Variants in MBNL2 observed in about 807,000 individuals in gnomAD.
MBNL2 encodes muscleblind like splicing regulator 2.
A neutral mutation model predicts 41.9 loss-of-function variants in MBNL2; 17 were observed. That is an observed-to-expected ratio of 0.41 (90% CI 0.28 to 0.61). The LOEUF is 0.61. Ranked by LOEUF, MBNL2 falls within the 20% of genes least tolerant of loss-of-function variation. The pLI, the probability that MBNL2 is intolerant of heterozygous loss-of-function variation, is 0.35. For synonymous variants in MBNL2, 195 were observed against 182.9 expected (o/e 1.07, Z -0.53); for missense variants, 336 against 505.6 (o/e 0.66, Z 3.22).
the MBNL2 span, among the ~76,000 whole-genome samples, chr13:97,185,247 G>A: frequency 6.6e-6 from 1 of 152,160 alleles, no homozygotes; most frequent in Admixed American, 6.5e-5. Context: ...AAGTTGACCT[G>A]CAGTAAATAA....
chr13:97,201,720 T>C, the MBNL2 span, among the ~76,000 whole-genome samples: 1 of 152,208 alleles, frequency 6.6e-6, no homozygotes, highest in Non-Finnish European at 1.5e-5. Flanking sequence ...TTCAAACCCC[T>C]TTCTATATAT....
Position 97,278,251 on chromosome 13 carries a change from C to CAAAAAAAAA in MBNL2, c.174+1860_174+1868dup, listed in dbSNP as rs10606011. Among the ~76,000 whole-genome samples the CAAAAAAAAA allele has an allele frequency of 7.9e-4, 32 of 40,530 alleles. 2 individuals carry two copies. Among genetic ancestry groups the CAAAAAAAAA allele is most frequent in the African/African-American group, 3.6e-3 (32 of 8,834 alleles). 26.6% of individuals were successfully genotyped at this position (40,530 alleles called of 152,430 possible). On this transcript the variant is annotated intron_variant, in intron 2 of 8. Transcript: ENST00000679496. Reference sequence around the variant, plus strand: ...CCTGGGTGATAGAGTGAGACTGTCTCAAAAAAAAAAAAAAAAAAAAAAAAA... The same window carrying CAAAAAAAAA: ...CCTGGGTGATAGAGTGAGACTGTCTCAAAAAAAAAAAAAAAAAAAAAAAAAAAAAAAAAA...
At chr13:97,150,986 G>A in the MBNL2 span, among the ~76,000 whole-genome samples, 4 of 152,122 alleles carry the variant, frequency 2.6e-5, no homozygotes, top group Non-Finnish European at 4.4e-5. Flanking sequence ...CATTTTCAAG[G>A]TCAATCTTGA....
the MBNL2 span, among the ~76,000 whole-genome samples, chr13:97,184,066 A>C: frequency 6.6e-6 from 1 of 152,214 alleles, no homozygotes. Context: ...AAACTATCTG[A>C]TCCAAACCAT....
intron 2 of MBNL2, among the ~76,000 whole-genome samples, chr13:97,311,620 C>T (rs1008932322): frequency 6.0e-5 from 9 of 151,220 alleles, no homozygotes; most frequent in African/African-American, 2.2e-4. Flanking sequence ...AAATCAATTT[C>T]TTGAGATAGC....
intron 2 of MBNL2, among the ~76,000 whole-genome samples, chr13:97,320,117 T>A (rs1388190937): frequency 6.6e-6 from 1 of 152,196 alleles, no homozygotes; most frequent in Non-Finnish European, 1.5e-5. Context: ...GTGGCTGTGC[T>A]CGCTTCCCAA....
intron 8 of MBNL2, among the ~76,000 whole-genome samples, chr13:97,376,179 A>G (rs1459503661): frequency 6.6e-6 from 1 of 152,186 alleles, no homozygotes; most frequent in Non-Finnish European, 1.5e-5. Context: ...ATTTGAGGGG[A>G]AAAGGGTGAA....
At chr13:97,285,248 C>T (rs2054189476) in intron 2 of MBNL2, among the ~76,000 whole-genome samples, 1 of 152,198 alleles carries the variant, frequency 6.6e-6, no homozygotes, top group Admixed American at 6.5e-5. Flanking sequence ...ATCGTTTCAC[C>T]TCTCTGGGAT....
intron 3 of MBNL2, among the ~76,000 whole-genome samples, chr13:97,338,543 T>C (rs1268195549): frequency 6.6e-6 from 1 of 152,192 alleles, no homozygotes; most frequent in Non-Finnish European, 1.5e-5. Context: ...TGTCTCAAAT[T>C]CACAGTGTTT....
chr13:97,209,684 CT>C, the MBNL2 span, among the ~76,000 whole-genome samples: 1 of 152,130 alleles, frequency 6.6e-6, no homozygotes, highest in African/African-American at 2.4e-5. Flanking sequence ...AAAATGTGTA[CT>C]CATTGCTCAT....
chr13:97,159,968 C>G, the MBNL2 span, among the ~76,000 whole-genome samples: 2 of 151,988 alleles, frequency 1.3e-5, no homozygotes, highest in Non-Finnish European at 2.9e-5. Context: ...GGGAAATTCT[C>G]CTGGATAATA....
chr13:97,286,310 C>A (rs2054430038), intron 2 of MBNL2, among the ~76,000 whole-genome samples: 1 of 152,168 alleles, frequency 6.6e-6, no homozygotes, highest in Admixed American at 6.5e-5. Flanking sequence ...GATCAAACAC[C>A]TTGAAACCTG....
chr13:97,339,389 G>A (rs1053487621), intron 3 of MBNL2, among the ~76,000 whole-genome samples: 1 of 152,006 alleles, frequency 6.6e-6, no homozygotes, highest in African/African-American at 2.4e-5. Flanking sequence ...AGAGAACAGG[G>A]GCAGGAAATC....
the MBNL2 span, among the ~76,000 whole-genome samples, chr13:97,175,817 G>A: frequency 1.4e-5 from 2 of 147,512 alleles, no homozygotes; most frequent in East Asian, 2.0e-4. Context: ...CAGCTAAGGG[G>A]CACTCAGGAC....
the MBNL2 span, among the ~76,000 whole-genome samples, chr13:97,181,888 T>C: frequency 2.0e-5 from 3 of 152,194 alleles, no homozygotes; most frequent in African/African-American, 7.2e-5. Context: ...ACTGAGATCT[T>C]CTGGTTGAGA....
chr13:97,273,673 C>G (rs1248105378), intron 1 of MBNL2, among the ~76,000 whole-genome samples: 1 of 152,174 alleles, frequency 6.6e-6, no homozygotes, highest in Non-Finnish European at 1.5e-5. Context: ...CAAGAGATGT[C>G]CTGCTTAAAT....
At chr13:97,365,630 G>GC (rs1447535337) in intron 8 of MBNL2, among the ~76,000 whole-genome samples, 1 of 152,108 alleles carries the variant, frequency 6.6e-6, no homozygotes, top group African/African-American at 2.4e-5. Context: ...TTTTGAAACC[G>GC]CATGTCTGAG....
intron 1 of MBNL2, among the ~76,000 whole-genome samples, chr13:97,255,174 T>C (rs562349630): frequency 2.0e-5 from 3 of 152,146 alleles, no homozygotes; most frequent in Non-Finnish European, 4.4e-5. Context: ...CTGTTCACTA[T>C]CTCAAGTTTT....
chr13:97,347,107 C>T lies in MBNL2; in HGVS notation c.804+40C>T, dbSNP rs34755212. ...CCGCCGCCCCTGCACCCCGGCGCCT[C>T]TGCGGAGGCCGCTCCGGGCTGGGAC... On this transcript the variant is annotated intron_variant, in intron 5 of 8. Transcript: ENST00000679496. The T allele has an allele frequency of 1.3e-4, 185 of 1,443,828 alleles. No individual in the cohort carries two copies. The African/African-American group carries it at 2.5e-3, about 20-fold the overall frequency. The allele number at this position is 1,443,828 out of a possible 1,614,324, so 89.4% of individuals were successfully genotyped here.
Sources: gnomAD v4.1 joint callset for allele counts (sites outside exome capture counted in the v4.1 genomes callset) on GRCh38, gnomAD v4.1.1 for gene constraint, MANE v1.5 for transcripts, NCBI Gene and HGNC (gene_info 2026-07-23, HGNC 2026-07-21) for gene names.